Variants in MAPK6 observed in about 807,000 individuals in gnomAD.
MAPK6 encodes the protein ERK-3.
In MAPK6, 19 loss-of-function variants were observed where a neutral mutation model predicts 59.3. That is an observed-to-expected ratio of 0.32 (90% confidence interval 0.22 to 0.47). MAPK6 has a LOEUF of 0.47. MAPK6 is among the 20% of genes least tolerant of loss of function. MAPK6 has a pLI of 1.00. For missense variants in MAPK6, 724 were observed against 847.9 expected (o/e 0.85, Z 1.81); for synonymous variants, 316 against 290.3 (o/e 1.09, Z -0.90).
At chr15:51,976,640 ATTGTCT>A (rs2057158308) in intron 1 of MAPK6, among the ~76,000 whole-genome samples, 1 of 151,754 alleles carries the variant, frequency 6.6e-6, no homozygotes, top group African/African-American at 2.4e-5. Flanking sequence ...ACTATGTGGA[ATTGTCT>A]TTAAAATCCT....
chr15:51,977,274 A>T (rs2057160132), intron 1 of MAPK6, among the ~76,000 whole-genome samples: 1 of 151,744 alleles, frequency 6.6e-6, no homozygotes, highest in Admixed American at 6.6e-5. Context: ...AAGTGCTAGG[A>T]TTACAGACGT....
chr15:52,021,166 G>C (rs2030511579), intron 1 of MAPK6, among the ~76,000 whole-genome samples: 1 of 152,148 alleles, frequency 6.6e-6, no homozygotes, highest in Non-Finnish European at 1.5e-5. Flanking sequence ...ACTAATGTTA[G>C]CACTAAAAGT....
intron 3 of MAPK6, among the ~76,000 whole-genome samples, chr15:52,053,541 C>T (rs754268888): frequency 6.6e-6 from 1 of 151,964 alleles, no homozygotes; most frequent in Non-Finnish European, 1.5e-5. Flanking sequence ...TGTATTTTCT[C>T]CTATTCTGCA....
intron 2 of MAPK6, among the ~76,000 whole-genome samples, chr15:52,001,509 C>CTTTTTTTTTTTTTTTTTT (rs71130114): frequency 7.8e-6 from 1 of 128,092 alleles, no homozygotes; most frequent in African/African-American, 3.0e-5. Flanking sequence ...CTTTTCCTTT[C>CTTTTTTTTTTTTTTTTTT]TTTTTTTTTT....
chr15:51,982,519 C>A (rs2057177559), intron 1 of MAPK6, among the ~76,000 whole-genome samples: 1 of 152,136 alleles, frequency 6.6e-6, no homozygotes. Context: ...CACACATACA[C>A]TATACACTTA....
At position 52,065,935 on chromosome 15, in the gene MAPK6, C is replaced by T. The variant is rs2032406120; in HGVS notation, c.*935C>T. 6.6e-6 allele frequency: 1 copy of T among 152,380 alleles called. No individual in the cohort carries two copies. The highest frequency in any genetic ancestry group is 2.1e-4 in the South Asian group (1 of 4,820). 9.4% of individuals were successfully genotyped at this position (152,380 alleles called of 1,614,324 possible). On this transcript the variant is annotated 3_prime_UTR_variant, in exon 6 of 6. Transcript: ENST00000261845. ...ACAAAGAAAAATTAATTAGGAATTA[C>T]TTTATTATAAAATGCTCCTAGAAGT...
chr15:52,040,497 C>CT (rs1448285652), intron 1 of MAPK6, among the ~76,000 whole-genome samples: 11 of 152,120 alleles, frequency 7.2e-5, no homozygotes, highest in African/African-American at 2.2e-4. Context: ...AAAAAGTAAC[C>CT]TTTATGTTTA....
At chr15:51,992,831 A>AT (rs768831234) in intron 2 of MAPK6, among the ~76,000 whole-genome samples, 12 of 152,166 alleles carry the variant, frequency 7.9e-5, no homozygotes, top group Non-Finnish European at 8.8e-5. Flanking sequence ...GAGGAGATGC[A>AT]TAGGGCAAGG....
intron 3 of MAPK6, among the ~76,000 whole-genome samples, chr15:52,051,514 T>G (rs2031779429): frequency 6.6e-6 from 1 of 152,238 alleles, no homozygotes; most frequent in African/African-American, 2.4e-5. Flanking sequence ...CTTTTAAGTA[T>G]GTTAATGCCA....
At chr15:51,998,210 G>A (rs2057231179) in intron 2 of MAPK6, among the ~76,000 whole-genome samples, 2 of 151,852 alleles carry the variant, frequency 1.3e-5, no homozygotes, top group South Asian at 4.1e-4. Flanking sequence ...CCAAGGTGCT[G>A]AGATTACAGG....
Position 52,009,133 on chromosome 15 carries a change from G to C in MAPK6, c.-632+4731G>C, listed in dbSNP as rs528720957. On this transcript the variant is annotated intron_variant, in intron 3 of 7. Coordinates refer to the MAPK6 transcript ENST00000691380. ...AGGACAGGATAGCTTGACTACTGAA[G>C]TGCAAAGGGGAGGAGCATGACCTTG... 3.9e-5 allele frequency among the ~76,000 whole-genome samples: 6 copies of C among 152,340 alleles called. No homozygotes were observed. In the East Asian group the frequency reaches 9.6e-4, roughly 24 times the overall value.
intron 3 of MAPK6, among the ~76,000 whole-genome samples, chr15:52,054,121 G>A (rs142369543): frequency 0.054 from 8,218 of 151,510 alleles, 431 homozygotes; most frequent in African/African-American, 0.13. Flanking sequence ...TAATCCCAGC[G>A]CTTTGGGATG....
In MAPK6 at chr15:52,064,364, A is replaced by G. The variant is rs1339193811; in HGVS notation, c.1530A>G (p.Ala510=). The change falls in exon 6 of 6, where the codon GCA becomes GCG. Residue 510 remains alanine (A), a synonymous_variant. Coordinates refer to ENST00000261845, the MANE Select transcript of MAPK6 (RefSeq NM_002748.4). ...AAGCCCAGATAGCGCTAGAGGAAGC[A>G]TCACAGCAACTGGCTGGAAAAGAAA... is the stretch of plus-strand genomic sequence containing the variant. The part of the protein sequence containing the change: ...LVKAQIALEE[A]SQQLAGKERE... 1.2e-6 allele frequency: 2 copies of G among 1,611,858 alleles called. No individual in the cohort carries two copies. The highest frequency in any genetic ancestry group is 1.1e-5 in the South Asian group (1 of 90,962).
chr15:52,005,538 A>AAG (rs1181851967), intron 3 of MAPK6, among the ~76,000 whole-genome samples: 1 of 151,840 alleles, frequency 6.6e-6, no homozygotes, highest in South Asian at 2.1e-4. Flanking sequence ...AAAAAAAAAA[A>AAG]AGAGAGAGAG....
upstream of MAPK6, among the ~76,000 whole-genome samples, chr15:52,016,066 GCGCGCACACACACACA>G (rs2030244634): frequency 2.3e-5 from 1 of 44,338 alleles, no homozygotes; most frequent in South Asian, 9.5e-4. Context: ...GCGCGCGCGC[GCGCGCACACACACACA>G]CACACACACA....
At chr15:51,999,049 CA>C (rs1277992770) in intron 2 of MAPK6, among the ~76,000 whole-genome samples, 1 of 147,170 alleles carries the variant, frequency 6.8e-6, no homozygotes, top group Admixed American at 6.9e-5. Flanking sequence ...AGTGCAGTGG[CA>C]CCAGGCACCA....
At chr15:52,059,836 G>A (rs545780649) in intron 4 of MAPK6, among the ~76,000 whole-genome samples, 2 of 152,176 alleles carry the variant, frequency 1.3e-5, no homozygotes, top group Non-Finnish European at 1.5e-5. Flanking sequence ...TTTATCAATT[G>A]TATGCTCCAT....
intron 3 of MAPK6, among the ~76,000 whole-genome samples, chr15:52,005,109 C>T (rs998958187): frequency 6.6e-6 from 1 of 152,160 alleles, no homozygotes; most frequent in Non-Finnish European, 1.5e-5. Context: ...ACATTAAACA[C>T]TGAGGAAACA....
upstream of MAPK6, among the ~76,000 whole-genome samples, chr15:52,016,136 C>G (rs1194874768): frequency 2.0e-5 from 3 of 147,040 alleles, no homozygotes; most frequent in Non-Finnish European, 4.5e-5. Flanking sequence ...CATGGTGGCT[C>G]ACTCCTGTAA....
Sources: allele counts gnomAD v4.1 joint callset (sites outside exome capture counted in the v4.1 genomes callset), GRCh38; gene constraint gnomAD v4.1.1; transcripts MANE v1.5; gene names NCBI Gene and HGNC (gene_info 2026-07-23, HGNC 2026-07-21).